GDAP1: variants seen among roughly 807,000 people sequenced by gnomAD.
The protein encoded by GDAP1 is ganglioside-induced differentiation-associated protein 1.
In GDAP1, 34 loss-of-function variants were observed where a neutral mutation model predicts 40.1. The ratio of observed to expected loss-of-function variants is 0.85; its 90% CI spans 0.64 to 1.13. GDAP1 has a LOEUF of 1.13. Ranked by LOEUF, GDAP1 falls within the 50% of genes most tolerant of loss-of-function variation. The pLI is 0.00. For missense variants in GDAP1, 374 were observed against 433.7 expected (o/e 0.86, Z 1.22); for synonymous variants, 170 against 157.4 (o/e 1.08, Z -0.60).
intron 2 of GDAP1, among the ~76,000 whole-genome samples, chr8:74,380,492 C>T: frequency 8.6e-6 from 1 of 116,422 alleles, no homozygotes; most frequent in East Asian, 2.4e-4. Context: ...CATAGGTTAC[C>T]CTACAGAGTC....
chr8:74,364,970 C>G lies in GDAP1; in HGVS notation c.*603C>G, dbSNP rs905105674. On this transcript the variant is annotated 3_prime_UTR_variant, in exon 6 of 6. Coordinates refer to ENST00000220822, the MANE Select transcript of GDAP1 (RefSeq NM_018972.4). ...TAAGTGATATTAAGATGATTCCTTA[C>G]CATTTCAGATGGTCCGCAATTTGAA... 2 of 453,964 alleles carry G rather than the reference C, an allele frequency of 4.4e-6. No individual in the cohort carries two copies. Among genetic ancestry groups the G allele is most frequent in the Non-Finnish European group, 8.8e-6 (2 of 226,790 alleles). 28.1% of individuals were successfully genotyped at this position (453,964 alleles called of 1,614,324 possible).
At position 74,422,285 on chromosome 8, in the gene GDAP1, T is replaced by TTTTCTTTCTTTCTTTCTTTC. The variant is rs556852017; in HGVS notation, c.166-66346_166-66327dup. 6.3e-4 allele frequency among the ~76,000 whole-genome samples: 55 copies of TTTTCTTTCTTTCTTTCTTTC among 87,736 alleles called. 1 individual carries two copies. Among genetic ancestry groups the TTTTCTTTCTTTCTTTCTTTC allele is most frequent in the Admixed American group, 1.4e-3 (10 of 7,300 alleles). 57.6% of individuals were successfully genotyped at this position (87,736 alleles called of 152,430 possible). On this transcript the variant is annotated intron_variant, in intron 2 of 2. Coordinates refer to the GDAP1 transcript ENST00000523640. ...TCTTTTTCTTTTCTTTTCTTTTTTC[T>TTTTCTTTCTTTCTTTCTTTC]TTTCTTTCTTTCTTTCTTTCTTTCT...
chr8:74,442,319 A>G (rs1806172796), intron 2 of GDAP1, among the ~76,000 whole-genome samples: 2 of 152,172 alleles, frequency 1.3e-5, no homozygotes, highest in South Asian at 2.1e-4. Flanking sequence ...CCCTACTTCT[A>G]TAAGGACTCT....
chr8:74,428,474 T>C (rs1010552025), intron 2 of GDAP1, among the ~76,000 whole-genome samples: 1 of 150,780 alleles, frequency 6.6e-6, no homozygotes, highest in Admixed American at 6.6e-5. Flanking sequence ...GTTTTGTTTT[T>C]TTTTTTTTCT....
At chr8:74,410,169 T>C (rs1456244050) in intron 2 of GDAP1, among the ~76,000 whole-genome samples, 2 of 150,080 alleles carry the variant, frequency 1.3e-5, no homozygotes, top group Admixed American at 6.6e-5. Flanking sequence ...TTAAATGAAG[T>C]CACCATGGGA....
intron 2 of GDAP1, among the ~76,000 whole-genome samples, chr8:74,457,523 G>A (rs1806350932): frequency 6.6e-6 from 1 of 151,922 alleles, no homozygotes; most frequent in Non-Finnish European, 1.5e-5. Flanking sequence ...AGGAAAAAAT[G>A]ATTTCAGAAT....
chr8:74,358,667 G>T (rs773155696), intron 2 of GDAP1, among the ~76,000 whole-genome samples: 1 of 152,240 alleles, frequency 6.6e-6, no homozygotes, highest in East Asian at 1.9e-4. Flanking sequence ...AGTAATTAAC[G>T]TCTTAGTATT....
At chr8:74,400,743 G>T (rs1312408227) in intron 2 of GDAP1, among the ~76,000 whole-genome samples, 1 of 149,342 alleles carries the variant, frequency 6.7e-6, no homozygotes, top group East Asian at 1.9e-4. Flanking sequence ...TTTAGGGCAG[G>T]CCTGGTGGTG....
At chr8:74,399,545 T>G (rs1319910034) in intron 2 of GDAP1, among the ~76,000 whole-genome samples, 1 of 145,600 alleles carries the variant, frequency 6.9e-6, no homozygotes, top group Non-Finnish European at 1.5e-5. Flanking sequence ...GTGTCTCTAT[T>G]TCCTTCAGTT....
chr8:74,354,615 T>G (rs555857581), intron 2 of GDAP1, among the ~76,000 whole-genome samples: 4 of 152,334 alleles, frequency 2.6e-5, no homozygotes, highest in African/African-American at 9.6e-5. Flanking sequence ...GCATGAGACT[T>G]TTGTTTTAAA....
intron 2 of GDAP1, among the ~76,000 whole-genome samples, chr8:74,399,590 A>G (rs1180060025): frequency 7.1e-6 from 1 of 139,884 alleles, no homozygotes; most frequent in Non-Finnish European, 1.5e-5. Flanking sequence ...GCCTTCTGCT[A>G]GCTTTTGAAT....
chr8:74,422,352 CCCTTCCTT>C (rs56384829), intron 2 of GDAP1, among the ~76,000 whole-genome samples: 435 of 34,168 alleles, frequency 0.013, 11 homozygotes, highest in Middle Eastern at 0.021. Flanking sequence ...TTTCTTTCTT[CCCTTCCTT>C]CCTTCCTTCC....
Position 74,467,790 on chromosome 8 carries a change from A to G in GDAP1, c.166-20888A>G, listed in dbSNP as rs112164597. On this transcript the variant is annotated intron_variant, in intron 2 of 2. Coordinates refer to the GDAP1 transcript ENST00000523640. ...GGGGCTGGACTGATCATTTACATTC[A>G]CCAGTATTTGCTTTTATGATCTCTG... 5.2e-3 allele frequency among the ~76,000 whole-genome samples: 794 copies of G among 152,216 alleles called. 12 individuals are homozygous for G. Among genetic ancestry groups the G allele is most frequent in the African/African-American group, 0.018 (760 of 41,532 alleles).
chr8:74,412,852 A>T (rs1805731222), intron 2 of GDAP1, among the ~76,000 whole-genome samples: 1 of 148,244 alleles, frequency 6.7e-6, no homozygotes, highest in Non-Finnish European at 1.5e-5. Context: ...AGGTGAGGAG[A>T]TTGAGACCAT....
At chr8:74,377,560 A>T (rs911466019) in intron 2 of GDAP1, among the ~76,000 whole-genome samples, 1 of 152,232 alleles carries the variant, frequency 6.6e-6, no homozygotes, top group African/African-American at 2.4e-5. Context: ...AATCCAAATT[A>T]AAACCGCAAT....
At chr8:74,430,637 G>A (rs1033415749) in intron 2 of GDAP1, among the ~76,000 whole-genome samples, 1 of 152,132 alleles carries the variant, frequency 6.6e-6, no homozygotes, top group Non-Finnish European at 1.5e-5. Flanking sequence ...GTAGGGTAAA[G>A]AGAATAGGCA....
At chr8:74,481,709 G>C (rs549412728) in intron 2 of GDAP1, among the ~76,000 whole-genome samples, 2 of 152,200 alleles carry the variant, frequency 1.3e-5, no homozygotes, top group East Asian at 3.9e-4. Flanking sequence ...CCAAAAATTG[G>C]CTCCTCAGTG....
Position 74,486,672 on chromosome 8 carries a change from A to G in GDAP1, c.166-2006A>G, listed in dbSNP as rs148497915. On this transcript the variant is annotated intron_variant, in intron 2 of 2. Transcript: ENST00000523640. ...GAGTAGTGAAGGTTGTTGTGGTTTC[A>G]TTTATGGATCTGACAATACACAAAA... Among the ~76,000 whole-genome samples, 638 of 152,300 alleles carry G rather than the reference A, an allele frequency of 4.2e-3. 6 individuals are homozygous for G. The highest frequency in any genetic ancestry group is 0.015 in the African/African-American group (605 of 41,580).
chr8:74,371,101 C>T (rs544863909), downstream of GDAP1, among the ~76,000 whole-genome samples: 2 of 152,154 alleles, frequency 1.3e-5, no homozygotes, highest in Non-Finnish European at 2.9e-5. Context: ...CCAACTTGAT[C>T]TCATTCACAT....
Sources: allele counts gnomAD v4.1 joint callset (sites outside exome capture counted in the v4.1 genomes callset), GRCh38; gene constraint gnomAD v4.1.1; transcripts MANE v1.5; gene names NCBI Gene and HGNC (gene_info 2026-07-23, HGNC 2026-07-21).